The following WAPL variants were observed in gnomAD, a reference collection of about 807,000 sequenced individuals.
WAPL encodes the protein WAPL cohesin release factor, also known as wings apart-like protein homolog.
In WAPL, 5 loss-of-function variants were observed where a neutral mutation model predicts 121.0. That is an observed-to-expected ratio of 0.04 (90% CI 0.02 to 0.09). WAPL has a LOEUF of 0.09. Among genes scored for constraint, WAPL ranks in the 10% least tolerant of loss-of-function variants. The pLI, the probability that WAPL is intolerant of heterozygous loss-of-function variation, is 1.00. For synonymous variants in WAPL, 480 were observed against 481.5 expected (o/e 1.00, Z 0.04); for missense variants, 999 against 1,410.8 (o/e 0.71, Z 4.68).
chr10:86,485,015 A>G (rs1841897256), intron 4 of WAPL, among the ~76,000 whole-genome samples: 1 of 151,978 alleles, frequency 6.6e-6, no homozygotes, highest in Non-Finnish European at 1.5e-5. Flanking sequence ...GCACACACGC[A>G]TGTGCGTGTG....
intron 8 of WAPL, 125 bp from the exon 9 acceptor site, chr10:86,467,631 T>C (rs1841428644): frequency 4.2e-6 from 3 of 714,524 alleles, no homozygotes; most frequent in African/African-American, 1.8e-5. Flanking sequence ...TTACTAACCA[T>C]GTTGGAAACT....
rs747055054 is a variant in WAPL, at chr10:86,446,251, G to C, written c.3313C>G (p.Leu1105Val). 6.2e-7 allele frequency: 1 copy of C among 1,614,018 alleles called. No homozygotes were observed. Among genetic ancestry groups the C allele is most frequent in the African/African-American group, 1.3e-5 (1 of 75,026 alleles). The change falls in exon 16 of 19, where the codon CTC becomes GTC. Residue 1105 changes from leucine (L) to valine (V), a missense_variant. By Grantham distance (32) the Leu-to-Val change is conservative. Transcript: ENST00000298767. ...KKEEEDEELDLNKALQHAGKH... is the reference protein window; with the variant it reads ...KKEEEDEELDVNKALQHAGKH... ...TTCAAAGTAAATATACCTTTATTGA[G>C]GTCAAGTTCTTCATCCTCCTCCTCC...
In WAPL at chr10:86,507,990, T is replaced by C. The variant is rs535334322; in HGVS notation, c.500-7247A>G. Among the ~76,000 whole-genome samples, 71 of 152,284 alleles carry C rather than the reference T, an allele frequency of 4.7e-4. 1 individual carries two copies. Among genetic ancestry groups the C allele is most frequent in the Non-Finnish European group, 8.4e-4 (57 of 68,028 alleles). The stretch of plus-strand genomic sequence containing the variant: ...AAATGTCTATTGAGGACAATTCTAA[T>C]AATCTTATCCAATATTCTGTATTCT... On this transcript the variant is annotated intron_variant, in intron 2 of 18. Coordinates refer to ENST00000298767, the MANE Select transcript of WAPL (RefSeq NM_015045.5).
At chr10:86,469,558 CA>C (rs1468448267) in intron 8 of WAPL, among the ~76,000 whole-genome samples, 2 of 151,820 alleles carry the variant, frequency 1.3e-5, no homozygotes, top group Admixed American at 6.6e-5. Context: ...CTGGCCAGGA[CA>C]CTCTACTTAC....
chr10:86,463,521 AAAT>A (rs1205875511), intron 9 of WAPL, among the ~76,000 whole-genome samples: 1 of 152,262 alleles, frequency 6.6e-6, no homozygotes, highest in African/African-American at 2.4e-5. Context: ...AAAAGTTAAA[AAAT>A]AATAATTTTA....
Position 86,472,471 on chromosome 10 carries a change from C to T in WAPL, c.1894-127G>A. ...GATGGCAACAAAAATATTTTTAGAA[C>T]AAGGATGATGGTAGGACAAAAGAAG... On this transcript the variant is annotated intron_variant, in intron 6 of 18. Transcript: ENST00000298767. This position sits in a 1 kb window ranked among gnomAD's most constrained non-coding sequence, Gnocchi z 4.2. 1 of 1,500,178 alleles carries T rather than the reference C, an allele frequency of 6.7e-7. No individual in the cohort carries two copies. Among genetic ancestry groups the T allele is most frequent in the Non-Finnish European group, 8.9e-7 (1 of 1,119,868 alleles). The allele number at this position is 1,500,178 out of a possible 1,614,324, so 92.9% of individuals were successfully genotyped here.
intron 17 of WAPL, among the ~76,000 whole-genome samples, chr10:86,438,253 CTTTTTTT>C (rs11402864): frequency 1.4e-5 from 2 of 138,548 alleles, no homozygotes; most frequent in East Asian, 4.2e-4. Flanking sequence ...TACACATTTA[CTTTTTTT>C]TTTTTTTTTT....
intron 15 of WAPL, among the ~76,000 whole-genome samples, chr10:86,447,140 T>C (rs1849643146): frequency 6.6e-6 from 1 of 152,220 alleles, no homozygotes; most frequent in Admixed American, 6.5e-5. Context: ...TTTCACTGAG[T>C]GCACAGTGGA....
intron 4 of WAPL, among the ~76,000 whole-genome samples, chr10:86,493,676 A>C (rs1216499603): frequency 6.8e-6 from 1 of 147,628 alleles, no homozygotes; most frequent in Non-Finnish European, 1.5e-5. Context: ...ACTACAACCA[A>C]GCCACCATGC....
chr10:86,436,317 T>C lies in WAPL; in HGVS notation c.*1226A>G, dbSNP rs1031008450. 4.6e-5 allele frequency: 7 copies of C among 152,514 alleles called. No individual in the cohort carries two copies. Among genetic ancestry groups the C allele is most frequent in the Admixed American group, 6.6e-5 (1 of 15,258 alleles). The allele number at this position is 152,514 out of a possible 1,614,324, so 9.4% of individuals were successfully genotyped here. On this transcript the variant is annotated 3_prime_UTR_variant, in exon 19 of 19. Transcript: ENST00000298767. ...AATGAAGAAACATGATGTAACTACC[T>C]GAAAGGTATTTAAAAGTATTAATGA...
chr10:86,480,152 G>A (rs1012841280), intron 4 of WAPL, among the ~76,000 whole-genome samples: 1 of 152,210 alleles, frequency 6.6e-6, no homozygotes, highest in Admixed American at 6.5e-5. Flanking sequence ...CACATCTAAC[G>A]AGAAGAAATA....
chr10:86,469,006 A>T (rs1589510843), intron 8 of WAPL, among the ~76,000 whole-genome samples: 1 of 152,056 alleles, frequency 6.6e-6, no homozygotes, highest in East Asian at 1.9e-4. Flanking sequence ...CAGGAGGCTG[A>T]GGCAGGACAA....
At chr10:86,505,652 A>T (rs1186232000) in intron 2 of WAPL, among the ~76,000 whole-genome samples, 3 of 152,174 alleles carry the variant, frequency 2.0e-5, no homozygotes, top group Non-Finnish European at 4.4e-5. Flanking sequence ...GCTCTTAAAA[A>T]TTTGAATTTA....
At chr10:86,504,916 T>C (rs78422933) in intron 2 of WAPL, among the ~76,000 whole-genome samples, 2 of 152,272 alleles carry the variant, frequency 1.3e-5, no homozygotes, top group Non-Finnish European at 2.9e-5. Context: ...CATTCATTCA[T>C]ATATATATAA....
At chr10:86,452,283 G>C in intron 14 of WAPL, 152 bp from the exon 15 acceptor site, 66 of 332,118 alleles carry the variant, frequency 2.0e-4, no homozygotes, top group African/African-American at 2.1e-4. Flanking sequence ...AGGCCAAAAA[G>C]AAAAAAAGAA....
intron 12 of WAPL, among the ~76,000 whole-genome samples, chr10:86,457,567 C>G (rs1045982064): frequency 6.6e-6 from 1 of 151,750 alleles, no homozygotes; most frequent in Non-Finnish European, 1.5e-5. Flanking sequence ...GCAGGAGAAT[C>G]ATGTGAATCC....
intron 4 of WAPL, among the ~76,000 whole-genome samples, chr10:86,496,189 T>C (rs1454558108): frequency 6.6e-6 from 1 of 151,908 alleles, no homozygotes; most frequent in East Asian, 1.9e-4. Context: ...AGTAAACACA[T>C]AAAAAATGCT....
At chr10:86,490,160 G>A (rs182943786) in intron 4 of WAPL, among the ~76,000 whole-genome samples, 1 of 151,740 alleles carries the variant, frequency 6.6e-6, no homozygotes, top group East Asian at 1.9e-4. Context: ...GTTGCAGTGA[G>A]CCAAGATCGC....
In WAPL at chr10:86,467,384, T is replaced by C. The variant is rs2132188131; in HGVS notation, c.2265A>G (p.Ser755=). Residue 755 remains serine (S), a synonymous_variant, in exon 9 of 19, where the codon TCA becomes TCG. Transcript: ENST00000298767. ...CTTTTTCATTCAGTAGCTTGGCTGATGAAGCATCTTGTTCCAGTTCCAAAA... is the reference window on the plus strand; with the variant it reads ...CTTTTTCATTCAGTAGCTTGGCTGACGAAGCATCTTGTTCCAGTTCCAAAA... ...IRLLELEQDA[S]SAKLLNEKDM... The C allele has an allele frequency of 6.2e-7, 1 of 1,614,158 alleles. No homozygotes were observed. The highest frequency in any genetic ancestry group is 8.5e-7 in the Non-Finnish European group (1 of 1,180,014).
Sources: gnomAD v4.1 joint callset for allele counts (sites outside exome capture counted in the v4.1 genomes callset) on GRCh38, gnomAD v4.1.1 for gene constraint, Gnocchi (gnomAD v3.1) non-coding constraint, MANE v1.5 for transcripts, NCBI Gene and HGNC (gene_info 2026-07-23, HGNC 2026-07-21) for gene names.